DIP2C: variants seen among roughly 807,000 people sequenced by gnomAD.
The protein encoded by DIP2C is DIP2 acetate--CoA ligase C (putative).
Under a neutral mutation model 192.4 loss-of-function variants are expected in DIP2C, and 33 were observed. That is an observed-to-expected ratio of 0.17 (90% CI 0.13 to 0.23). The LOEUF (loss-of-function observed/expected upper bound fraction) is 0.23. Ranked by LOEUF, DIP2C falls within the 10% of genes least tolerant of loss-of-function variation. The pLI is 1.00. For synonymous variants in DIP2C, 979 were observed against 864.1 expected (o/e 1.13, Z -2.33); for missense variants, 1,537 against 2,110.1 (o/e 0.73, Z 5.32).
At chr10:558,560 A>AC (rs768278329) in intron 1 of DIP2C, among the ~76,000 whole-genome samples, 94 of 152,218 alleles carry the variant, frequency 6.2e-4, no homozygotes, top group Non-Finnish European at 8.7e-4. Context: ...GCCCAGTCAC[A>AC]CAACCACCCT....
intron 1 of DIP2C, among the ~76,000 whole-genome samples, chr10:516,075 G>A (rs927865509): frequency 6.6e-6 from 1 of 151,180 alleles, no homozygotes; most frequent in Non-Finnish European, 1.5e-5. Context: ...TCCACGACGA[G>A]AGGAAACGAG....
intron 1 of DIP2C, among the ~76,000 whole-genome samples, chr10:518,701 T>C (rs1846515123): frequency 6.6e-6 from 1 of 152,188 alleles, no homozygotes; most frequent in Admixed American, 6.5e-5. Context: ...TCCTGTTGTT[T>C]AGAGGCCAGT....
rs78929661 is a variant in DIP2C, at chr10:375,638, T to C, written c.1992-6005A>G. On this transcript the variant is annotated intron_variant, in intron 17 of 36. Transcript: ENST00000280886. ...CCATAAGCCTTGCCCGCATAACACC[T>C]TGAAGTAGCAGCTCCTATAAATTTC... is the stretch of plus-strand genomic sequence containing the variant. Among the ~76,000 whole-genome samples the C allele has an allele frequency of 4.6e-5, 7 of 152,306 alleles. No homozygotes were observed. In the East Asian group the frequency reaches 1.4e-3, roughly 29 times the overall value.
At position 480,913 on chromosome 10, in the gene DIP2C, C is replaced by G. The variant is rs145408032; in HGVS notation, c.157+5546G>C. ...CACGCTATGTCACAGGCAATGCCAT[C>G]TGGACACCCACGTTTCCCCTCCTCT... On this transcript the variant is annotated intron_variant, in intron 2 of 36. Coordinates refer to ENST00000280886, the MANE Select transcript of DIP2C (RefSeq NM_014974.3). 2.3e-3 allele frequency among the ~76,000 whole-genome samples: 349 copies of G among 152,320 alleles called. 1 individual carries two copies. Among genetic ancestry groups the G allele is most frequent in the African/African-American group, 8.0e-3 (333 of 41,576 alleles).
At chr10:442,911 A>AC (rs1272495892) in intron 3 of DIP2C, among the ~76,000 whole-genome samples, 1 of 152,182 alleles carries the variant, frequency 6.6e-6, no homozygotes, top group African/African-American at 2.4e-5. Context: ...AGTGATTTTT[A>AC]CCCTTCGTGA....
chr10:482,953 T>G (rs921869652), intron 2 of DIP2C, among the ~76,000 whole-genome samples: 4 of 152,226 alleles, frequency 2.6e-5, no homozygotes, highest in Non-Finnish European at 5.9e-5. Context: ...GCACCCTCTC[T>G]GACCCTTCTT....
Position 282,807 on chromosome 10 carries a change from G to A in DIP2C, c.4294+465C>T, listed in dbSNP as rs555462809. Among the ~76,000 whole-genome samples, 12 of 152,366 alleles carry A rather than the reference G, an allele frequency of 7.9e-5. 1 individual carries two copies. In the South Asian group the frequency reaches 8.3e-4, roughly 11 times the overall value. On this transcript the variant is annotated intron_variant, in intron 35 of 36. Coordinates refer to ENST00000280886, the MANE Select transcript of DIP2C (RefSeq NM_014974.3). ...CAGAGACAGCTGGCCACCAGGGCCC[G>A]AGAGCCTCGCGGCCTCCTCTTCCCT...
intron 28 of DIP2C, among the ~76,000 whole-genome samples, chr10:343,523 C>T (rs1958264135): frequency 6.6e-6 from 1 of 152,200 alleles, no homozygotes; most frequent in Admixed American, 6.5e-5. Flanking sequence ...AACTGTTTTA[C>T]TATATTCATA....
chr10:297,999 C>T (rs1955840396), intron 32 of DIP2C, among the ~76,000 whole-genome samples: 1 of 152,194 alleles, frequency 6.6e-6, no homozygotes. Flanking sequence ...AGCTCCCACA[C>T]TGCCCTACAA....
intron 16 of DIP2C, among the ~76,000 whole-genome samples, chr10:383,801 C>G (rs562029094): frequency 6.6e-6 from 1 of 152,192 alleles, no homozygotes; most frequent in African/African-American, 2.4e-5. Flanking sequence ...AATGCCTGTC[C>G]TTATTATGCC....
rs1307993800 is a variant in DIP2C at position 532,672 on chromosome 10, A to T, written c.86-46142T>A. ...GTGTGAGAGAGAGTATGGGTGTGAG[A>T]GAGAGTATGGGTGTGAGAGAGTATG... On this transcript the variant is annotated intron_variant, in intron 1 of 36. Transcript: ENST00000280886. Among the ~76,000 whole-genome samples the T allele has an allele frequency of 7.6e-3, 623 of 82,330 alleles. 29 individuals carry two copies. Among genetic ancestry groups the T allele is most frequent in the Non-Finnish European group, 0.011 (427 of 40,246 alleles). 54.0% of individuals were successfully genotyped at this position (82,330 alleles called of 152,430 possible). A position where few individuals can be genotyped will look rare whatever the true frequency, so the allele number is the denominator to read the frequency against.
intron 29 of DIP2C, among the ~76,000 whole-genome samples, chr10:331,539 A>G (rs1218199514): frequency 1.3e-5 from 2 of 152,252 alleles, no homozygotes; most frequent in South Asian, 2.1e-4. Context: ...ATTAGTGACT[A>G]AACAACATAG....
chr10:568,425 T>C (rs1013160893), intron 1 of DIP2C, among the ~76,000 whole-genome samples: 2 of 151,778 alleles, frequency 1.3e-5, no homozygotes, highest in African/African-American at 2.4e-5. Context: ...CCAAGATCAG[T>C]AGAAGGAAAG....
At chr10:459,277 C>T (rs552566279) in intron 3 of DIP2C, among the ~76,000 whole-genome samples, 3 of 152,152 alleles carry the variant, frequency 2.0e-5, no homozygotes, top group South Asian at 2.1e-4. Flanking sequence ...GAGACATGGC[C>T]GTGTCATTCT....
At chr10:649,848 A>G in intron 1 of DIP2C, 1 of 495,438 alleles carries the variant, frequency 2.0e-6, no homozygotes, top group South Asian at 2.7e-5. Context: ...TATTTGCAGT[A>G]AGAGAAGCAT....
intron 1 of DIP2C, among the ~76,000 whole-genome samples, chr10:510,445 C>G (rs1845934333): frequency 1.3e-5 from 2 of 152,216 alleles, no homozygotes; most frequent in South Asian, 4.1e-4. Context: ...GCTGCAGGTG[C>G]ACTGCCGTAT....
At chr10:485,636 A>T (rs1843961266) in intron 2 of DIP2C, among the ~76,000 whole-genome samples, 1 of 152,252 alleles carries the variant, frequency 6.6e-6, no homozygotes, top group Admixed American at 6.5e-5. Context: ...CCTCGGGAAG[A>T]ACAGAATCGG....
At chr10:548,020 C>T (rs1039860031) in intron 1 of DIP2C, among the ~76,000 whole-genome samples, 1 of 152,148 alleles carries the variant, frequency 6.6e-6, no homozygotes, top group Non-Finnish European at 1.5e-5. Flanking sequence ...TCACAACTGT[C>T]ACATGTAAAA....
chr10:341,523 C>T (rs1958147928), intron 28 of DIP2C, among the ~76,000 whole-genome samples, 194 bp from the exon 29 acceptor site: 1 of 150,528 alleles, frequency 6.6e-6, no homozygotes, highest in African/African-American at 2.5e-5. Context: ...CTCAGAAACC[C>T]GGGACAATAC....
Sources: gnomAD v4.1 joint callset for allele counts (sites outside exome capture counted in the v4.1 genomes callset) on GRCh38, gnomAD v4.1.1 for gene constraint, MANE v1.5 for transcripts, NCBI Gene and HGNC (gene_info 2026-07-23, HGNC 2026-07-21) for gene names.